Variants in C18orf63 observed in about 807,000 individuals in gnomAD.
C18orf63 encodes the protein chromosome 18 open reading frame 63, also known as uncharacterized protein C18orf63.
In C18orf63, 50 loss-of-function variants were observed where a neutral mutation model predicts 75.3. The ratio of observed to expected loss-of-function variants is 0.66; its 90% CI spans 0.53 to 0.84. The LOEUF (loss-of-function observed/expected upper bound fraction) is 0.84, where lower values mean the gene tolerates loss of function less well. Ranked by LOEUF, C18orf63 falls within the 40% of genes least tolerant of loss-of-function variation. The pLI, the probability that C18orf63 is intolerant of heterozygous loss-of-function variation, is 0.00. For missense variants in C18orf63, 732 were observed against 800.2 expected, an observed-to-expected ratio of 0.91 and a Z score of 1.03; for synonymous variants, 232 against 267.6, an observed-to-expected ratio of 0.87 and a Z score of 1.30.
Position 74,321,257 on chromosome 18 carries a change from G to C in C18orf63, c.213+666G>C, listed in dbSNP as rs917834516. Among the ~76,000 whole-genome samples, 18 of 151,980 alleles carry C rather than the reference G, an allele frequency of 1.2e-4. No homozygotes were observed. In the Middle Eastern group the frequency reaches 0.01, roughly 86 times the overall value. On this transcript the variant is annotated intron_variant, in intron 3 of 13. Coordinates refer to ENST00000579455, the MANE Select transcript of C18orf63 (RefSeq NM_001174123.2). ...TTCTTTTATTTTTCTCCTAGGTCTT[G>C]GTTATATGTCCACCTCGTATTTTCC...
At chr18:74,327,737 G>T (rs1209167953) in intron 4 of C18orf63, among the ~76,000 whole-genome samples, 2 of 152,176 alleles carry the variant, frequency 1.3e-5, no homozygotes, top group African/African-American at 4.8e-5. Flanking sequence ...ATGATAGCAT[G>T]ACAATAGTAG....
In C18orf63 at chr18:74,343,721, T is replaced by C. The variant is rs2145127570; in HGVS notation, c.978+19T>C. 1.4e-6 allele frequency: 2 copies of C among 1,428,510 alleles called. No homozygotes were observed. Among genetic ancestry groups the C allele is most frequent in the South Asian group, 1.4e-5 (1 of 70,374 alleles). The allele number at this position is 1,428,510 out of a possible 1,614,324, so 88.5% of individuals were successfully genotyped here. A position where few individuals can be genotyped will look rare whatever the true frequency, so the allele number is the denominator to read the frequency against. ...TATACAGGTAAGAGATCTCTTGTCC[T>C]ATCTAGTTCTCCAAGACATACTATC... On this transcript the variant is annotated intron_variant, in intron 11 of 13. Coordinates refer to ENST00000579455, the MANE Select transcript of C18orf63 (RefSeq NM_001174123.2).
rs766868337 is a variant in C18orf63, at chr18:74,353,259, A to C, written c.992A>C (p.Lys331Thr). ...TKPNIQEHKV[K>T]PPNLTTKKML... Reference sequence around the variant, plus strand: ...TATCCTTTTCAGGAACACAAAGTCAAGCCACCCAATTTGACCACTAAAAAA... The same window carrying C: ...TATCCTTTTCAGGAACACAAAGTCACGCCACCCAATTTGACCACTAAAAAA... The change falls in exon 12 of 14, where the codon AAG (lysine) becomes ACG (threonine). Residue 331 changes from lysine (K) to threonine (T), a missense_variant. By Grantham distance (78) the Lys-to-Thr change is moderately conservative (BLOSUM62 -1). This residue lies in a region of C18orf63 where 495 missense variants were observed against 508.7 expected (regional missense o/e 0.97). Coordinates refer to ENST00000579455, the MANE Select transcript of C18orf63 (RefSeq NM_001174123.2). The C allele has an allele frequency of 1.3e-6, 2 of 1,533,984 alleles. No individual in the cohort carries two copies. Among genetic ancestry groups the C allele is most frequent in the East Asian group, 2.4e-5 (1 of 40,862 alleles).
At chr18:74,329,142 G>A (rs1541292) in intron 6 of C18orf63, 106 bp downstream of exon 6, 387,253 of 698,552 alleles carry the variant, frequency 0.55, 109,253 homozygotes, top group Middle Eastern at 0.61. Flanking sequence ...TAATCCCAAC[G>A]GTTTGGGAGG....
At chr18:74,340,994 GTGGC>G in intron 8 of C18orf63, among the ~76,000 whole-genome samples, 1 of 152,102 alleles carries the variant, frequency 6.6e-6, no homozygotes. Flanking sequence ...GCCGGGCGCG[GTGGC>G]TCACGCCTGT....
Position 74,353,684 on chromosome 18 carries a change from A to T in C18orf63, c.1417A>T (p.Thr473Ser). 6.5e-7 allele frequency: 1 copy of T among 1,536,102 alleles called. No individual in the cohort carries two copies. The highest frequency in any genetic ancestry group is 8.7e-7 in the Non-Finnish European group (1 of 1,146,886). ...ACAATCTAAATTGTTTTCACTCAAAACTAGTATGATCCAGCATGACAAACT... is the reference window on the plus strand; with the variant it reads ...ACAATCTAAATTGTTTTCACTCAAATCTAGTATGATCCAGCATGACAAACT... ...VTQSKLFSLK[T>S]SMIQHDKLNL... is the part of the protein sequence containing the mutation. Residue 473 changes from threonine to serine, a missense_variant, in exon 12 of 14, where the codon ACT (threonine) becomes TCT (serine). By Grantham distance (58) the Thr-to-Ser change is moderately conservative (BLOSUM62 1). This residue lies in a region of C18orf63 where 495 missense variants were observed against 508.7 expected (regional missense o/e 0.97). Coordinates refer to ENST00000579455, the MANE Select transcript of C18orf63 (RefSeq NM_001174123.2).
At chr18:74,329,071 A>G in intron 6 of C18orf63, 35 bp downstream of exon 6, 1 of 1,279,828 alleles carries the variant, frequency 7.8e-7, no homozygotes, top group East Asian at 2.5e-5. Flanking sequence ...AGATAAAACA[A>G]TATAATTCAT....
intron 11 of C18orf63, among the ~76,000 whole-genome samples, chr18:74,345,983 C>G (rs79329349): frequency 1.1e-4 from 12 of 109,696 alleles, no homozygotes; most frequent in Non-Finnish European, 1.8e-4. Flanking sequence ...CACATAGAGA[C>G]AGAGAGAGCA....
chr18:74,332,471 G>A (rs752227664), intron 7 of C18orf63, among the ~76,000 whole-genome samples: 3 of 152,160 alleles, frequency 2.0e-5, no homozygotes, highest in Admixed American at 6.5e-5. Flanking sequence ...TTGGGAGGCC[G>A]AAGTGGGTGG....
At chr18:74,348,477 GT>G (rs1489992287) in intron 11 of C18orf63, among the ~76,000 whole-genome samples, 1 of 152,092 alleles carries the variant, frequency 6.6e-6, no homozygotes, top group African/African-American at 2.4e-5. Flanking sequence ...CATTTCTCAA[GT>G]TTCATTTTCA....
rs140283739 is a variant in C18orf63 at position 74,350,827 on chromosome 18, A to C, written c.979-2419A>C. On this transcript the variant is annotated intron_variant, in intron 11 of 13. Coordinates refer to ENST00000579455, the MANE Select transcript of C18orf63 (RefSeq NM_001174123.2). ...ATTAAGAAGGATGTGCTATGCTCTG[A>C]ATGTGTTTCTCCAAAATTTAAATGT... Among the ~76,000 whole-genome samples, 930 of 152,234 alleles carry C rather than the reference A, an allele frequency of 6.1e-3. 12 individuals carry two copies. The highest frequency in any genetic ancestry group is 0.021 in the African/African-American group (870 of 41,540).
intron 11 of C18orf63, among the ~76,000 whole-genome samples, chr18:74,351,664 T>G (rs577462353): frequency 6.6e-6 from 1 of 152,162 alleles, no homozygotes; most frequent in Non-Finnish European, 1.5e-5. Flanking sequence ...ACATAATTAT[T>G]ATTGGTTTTA....
At chr18:74,342,768 T>C (rs866301164) in intron 10 of C18orf63, among the ~76,000 whole-genome samples, 1 of 152,148 alleles carries the variant, frequency 6.6e-6, no homozygotes, top group Non-Finnish European at 1.5e-5. Flanking sequence ...TTATACTTAA[T>C]TGCACCCCAT....
rs146739754 is a variant in C18orf63, at chr18:74,331,649, C to T, written c.501+707C>T. ...AAGGGATGCTAATGAATATCTTCCC[C>T]TGCACAGGACAGCCATCTTATCCCC... On this transcript the variant is annotated intron_variant, in intron 7 of 13. Coordinates refer to ENST00000579455, the MANE Select transcript of C18orf63 (RefSeq NM_001174123.2). Among the ~76,000 whole-genome samples, 690 of 152,266 alleles carry T rather than the reference C, an allele frequency of 4.5e-3. 2 individuals carry two copies. The highest frequency in any genetic ancestry group is 7.1e-3 in the Non-Finnish European group (486 of 68,010).
chr18:74,319,589 T>C (rs1984085075), intron 2 of C18orf63, among the ~76,000 whole-genome samples: 2 of 152,214 alleles, frequency 1.3e-5, no homozygotes, highest in South Asian at 4.1e-4. Context: ...TTCATTTGGC[T>C]GTTGAAACCA....
In C18orf63 at chr18:74,317,445, T is replaced by C. The variant is rs189490842; in HGVS notation, c.-32-389T>C. Among the ~76,000 whole-genome samples the C allele has an allele frequency of 2.3e-3, 353 of 152,134 alleles. 1 individual carries two copies. Among genetic ancestry groups the C allele is most frequent in the Non-Finnish European group, 1.6e-3 (107 of 67,982 alleles). On this transcript the variant is annotated intron_variant, in intron 1 of 13. Transcript: ENST00000579455. ...AACCTTGAAGTGCTTTACAGAAAAA[T>C]CTGAAACAACAAAAGACTTTGCTAT...
At chr18:74,352,171 C>T (rs1984677366) in intron 11 of C18orf63, among the ~76,000 whole-genome samples, 1 of 152,034 alleles carries the variant, frequency 6.6e-6, no homozygotes. Flanking sequence ...TATGATTCCA[C>T]TTACATGTGG....
rs550894109 is a variant in C18orf63, at chr18:74,359,009, T to C, written c.*2562T>C. On this transcript the variant is annotated 3_prime_UTR_variant, in exon 14 of 14. Coordinates refer to ENST00000579455, the MANE Select transcript of C18orf63 (RefSeq NM_001174123.2). Reference sequence around the variant, plus strand: ...TGCTCTGTTTTCAAATTGCATATGATGGGGTATTATGCTGAAACTGCTAAT... The same window carrying C: ...TGCTCTGTTTTCAAATTGCATATGACGGGGTATTATGCTGAAACTGCTAAT... 7 of 152,276 alleles carry C rather than the reference T, an allele frequency of 4.6e-5. No individual in the cohort carries two copies. The highest frequency in any genetic ancestry group is 1.0e-4 in the Non-Finnish European group (7 of 67,992). 9.4% of individuals were successfully genotyped at this position (152,276 alleles called of 1,614,324 possible).
intron 11 of C18orf63, among the ~76,000 whole-genome samples, chr18:74,351,634 C>T (rs982981828): frequency 6.6e-6 from 1 of 152,200 alleles, no homozygotes; most frequent in African/African-American, 2.4e-5. Flanking sequence ...AGCCAACCCC[C>T]AGAATAGTGA....
Sources: gnomAD v4.1 joint callset for allele counts (sites outside exome capture counted in the v4.1 genomes callset) on GRCh38, gnomAD v4.1.1 for gene constraint, gnomAD v4.1.1 regional missense constraint, MANE v1.5 for transcripts, NCBI Gene and HGNC (gene_info 2026-07-23, HGNC 2026-07-21) for gene names.